The following SLC12A3 variants were observed in gnomAD, a reference collection of about 807,000 sequenced individuals.
SLC12A3 encodes the protein Na-Cl cotransporter.
SLC12A3 carries 104 observed loss-of-function variants against 121.0 expected under a neutral mutation model. The observed-to-expected ratio is 0.86, with a 90% CI of 0.73 to 1.01. The LOEUF is 1.01. Among genes scored for constraint, SLC12A3 ranks in the 50% least tolerant of loss-of-function variants. The pLI, the probability that SLC12A3 is intolerant of heterozygous loss-of-function variation, is 0.00. For missense variants in SLC12A3, 1,328 were observed against 1,356.3 expected (o/e 0.98, Z 0.33); for synonymous variants, 536 against 533.4 (o/e 1.00, Z -0.07).
At chr16:56,886,693 C>A (rs1224533085) in intron 16 of SLC12A3, among the ~76,000 whole-genome samples, 12 of 152,140 alleles carry the variant, frequency 7.9e-5, no homozygotes, top group African/African-American at 2.9e-4. Flanking sequence ...CAGGCACCCC[C>A]CATGGACCCC....
In SLC12A3 at chr16:56,865,304, C is replaced by G. The variant is rs1205171754; in HGVS notation, c.69C>G (p.Ser23Arg). The G allele has an allele frequency of 1.2e-6, 2 of 1,614,008 alleles. No individual in the cohort carries two copies. The highest frequency in any genetic ancestry group is 2.2e-5 in the South Asian group (2 of 91,088). Reference protein sequence around the residue: ...ATLCSGRFTISTLLSSDEPSP... With the variant: ...ATLCSGRFTIRTLLSSDEPSP... ...TGTGCAGCGGGCGCTTCACCATCAG[C>G]ACACTGCTGAGCAGTGATGAGCCCT... Residue 23 changes from serine (S) to arginine (R), a missense_variant, in exon 1 of 26, where the codon AGC becomes AGG. Ser to Arg is a moderately radical substitution (Grantham distance 110). Transcript: ENST00000563236.
chr16:56,867,326 A>C (rs1346480001), intron 2 of SLC12A3, 110 bp downstream of exon 2: 1 of 1,104,046 alleles, frequency 9.1e-7, no homozygotes, highest in Non-Finnish European at 1.3e-6. Context: ...CAGTTTCCCC[A>C]TCTGTACAAT....
intron 25 of SLC12A3, chr16:56,907,149 T>G (rs1319923684): frequency 6.0e-6 from 1 of 167,464 alleles, no homozygotes; most frequent in African/African-American, 2.4e-5. Context: ...AGGAGAGTGG[T>G]TCAGGCAATT....
At chr16:56,902,149 A>G in intron 23 of SLC12A3, 2 of 583,656 alleles carry the variant, frequency 3.4e-6, no homozygotes, top group Admixed American at 2.6e-5. Context: ...CGGGTGGGTC[A>G]CAGGTCAGTG....
intron 25 of SLC12A3, among the ~76,000 whole-genome samples, chr16:56,912,449 C>T (rs1292614400): frequency 1.3e-5 from 2 of 152,236 alleles, no homozygotes; most frequent in Non-Finnish European, 2.9e-5. Flanking sequence ...CCCAGGGCCT[C>T]CTGCACAGGG....
intron 8 of SLC12A3, among the ~76,000 whole-genome samples, chr16:56,875,034 C>A (rs1341044077): frequency 6.6e-6 from 1 of 152,202 alleles, no homozygotes; most frequent in African/African-American, 2.4e-5. Context: ...GGATTCCATG[C>A]AGTCTCATTA....
At position 56,870,960 on chromosome 16, in the gene SLC12A3, G is replaced by A. The variant is rs73557782; in HGVS notation, c.852+224G>A. On this transcript the variant is annotated intron_variant, in intron 6 of 25. Transcript: ENST00000563236. Reference sequence around the variant, plus strand: ...AGAGATTCTCCTGCCTCAGCCTCCCGAGTAGCTGGGATTACAGGCACCTGC... The same window carrying A: ...AGAGATTCTCCTGCCTCAGCCTCCCAAGTAGCTGGGATTACAGGCACCTGC... Among the ~76,000 whole-genome samples the A allele has an allele frequency of 0.037, 5,680 of 151,732 alleles. 137 individuals are homozygous for A. Among genetic ancestry groups the A allele is most frequent in the African/African-American group, 0.06 (2,486 of 41,348 alleles).
At chr16:56,873,374 CTTTTTTTTTTTTT>C (rs59478629) in intron 8 of SLC12A3, among the ~76,000 whole-genome samples, 2,554 of 75,542 alleles carry the variant, frequency 0.034, 74 homozygotes, top group East Asian at 0.1. Context: ...CTCTTTCTTT[CTTTTTTTTTTTTT>C]TTTTTTTTTT....
At chr16:56,877,800 T>C (rs983085192) in intron 8 of SLC12A3, among the ~76,000 whole-genome samples, 2 of 152,216 alleles carry the variant, frequency 1.3e-5, no homozygotes, top group Non-Finnish European at 2.9e-5. Context: ...TTGAATTTCT[T>C]CTCTCTGCCT....
At chr16:56,908,289 TATCACC>T (rs1454951920) in intron 25 of SLC12A3, among the ~76,000 whole-genome samples, 13 of 150,158 alleles carry the variant, frequency 8.7e-5, no homozygotes, top group African/African-American at 3.2e-4. Flanking sequence ...GCCTCCTGAA[TATCACC>T]ACCTCGCCCG....
At position 56,887,075 on chromosome 16, in the gene SLC12A3, C is replaced by T. The variant is rs147984554; in HGVS notation, c.2160C>T (p.Gly720=). ...TCATTGCCGAGGACCTCCGCAGAGG[C>T]GTCCAGATCCTCATGCAGGTGCCAT... The part of the protein sequence containing the change: ...SDVIAEDLRR[G]VQILMQAAGL... Residue 720 remains glycine, a synonymous_variant, in exon 17 of 26, where the codon GGC becomes GGT. Coordinates refer to ENST00000563236, the MANE Select transcript of SLC12A3 (RefSeq NM_001126108.2). The T allele has an allele frequency of 1.9e-4, 313 of 1,613,870 alleles. No homozygotes were observed. The highest frequency in any genetic ancestry group is 2.5e-4 in the Non-Finnish European group (293 of 1,180,026).
At chr16:56,876,104 T>C (rs1482484159) in intron 8 of SLC12A3, among the ~76,000 whole-genome samples, 2 of 151,986 alleles carry the variant, frequency 1.3e-5, no homozygotes, top group Non-Finnish European at 2.9e-5. Context: ...CTTCCTAATT[T>C]CTGGTGGCTG....
chr16:56,893,118 C>T (rs2055413173), intron 21 of SLC12A3, 64 bp downstream of exon 21: 10 of 1,311,574 alleles, frequency 7.6e-6, no homozygotes, highest in Non-Finnish European at 1.1e-5. Flanking sequence ...GGTCTTCCTT[C>T]CTTCTCCTTC....
chr16:56,878,618 C>T (rs556787975), intron 9 of SLC12A3, among the ~76,000 whole-genome samples: 2 of 152,268 alleles, frequency 1.3e-5, no homozygotes, highest in East Asian at 3.9e-4. Flanking sequence ...CAGGGTCACA[C>T]AGCCACTGAA....
chr16:56,869,820 G>A lies in SLC12A3; in HGVS notation c.597G>A (p.Lys199=). The change falls in exon 4 of 26, where the codon AAG becomes AAA. Residue 199 remains lysine, a synonymous_variant. Coordinates refer to ENST00000563236, the MANE Select transcript of SLC12A3 (RefSeq NM_001126108.2). ...ISAISTNGKV[K]SGGTYFLISR... is the part of the protein sequence containing the mutation. The stretch of plus-strand genomic sequence containing the variant: ...CCATCTCCACCAATGGCAAGGTCAA[G>A]TCAGGTGGGCCATCCCCCTTTCCAC... 6.2e-7 allele frequency: 1 copy of A among 1,613,842 alleles called. No homozygotes were observed. Among genetic ancestry groups the A allele is most frequent in the Non-Finnish European group, 8.5e-7 (1 of 1,179,772 alleles).
intron 3 of SLC12A3, among the ~76,000 whole-genome samples, chr16:56,868,742 C>G (rs1964419740): frequency 6.6e-6 from 1 of 152,158 alleles, no homozygotes; most frequent in Admixed American, 6.5e-5. Flanking sequence ...GAGGCCGAGG[C>G]AGGTGGATCA....
Position 56,915,459 on chromosome 16 carries a change from C to T in SLC12A3, c.*2054C>T, listed in dbSNP as rs1189769611. On this transcript the variant is annotated 3_prime_UTR_variant, in exon 26 of 26. Transcript: ENST00000563236. Reference sequence around the variant, plus strand: ...CTCTGAAGCCCCACTGTCTGACCGCCTCAGGGCTTGCTACGAGGGACTGGG... The same window carrying T: ...CTCTGAAGCCCCACTGTCTGACCGCTTCAGGGCTTGCTACGAGGGACTGGG... 6.6e-6 allele frequency: 1 copy of T among 152,278 alleles called. No homozygotes were observed. Among genetic ancestry groups the T allele is most frequent in the Non-Finnish European group, 1.5e-5 (1 of 68,066 alleles). The allele number at this position is 152,278 out of a possible 1,614,324, so 9.4% of individuals were successfully genotyped here. A position where few individuals can be genotyped will look rare whatever the true frequency, so the allele number is the denominator to read the frequency against.
chr16:56,878,064 C>CTCCCTCCTTCAGGACCCTGCTATAGCCA lies in SLC12A3; in HGVS notation c.1096-8_1115dup. 8.4e-7 allele frequency: 1 copy of CTCCCTCCTTCAGGACCCTGCTATAGCCA among 1,197,558 alleles called. No individual in the cohort carries two copies. Among genetic ancestry groups the CTCCCTCCTTCAGGACCCTGCTATAGCCA allele is most frequent in the South Asian group, 1.2e-5 (1 of 82,664 alleles). 74.2% of individuals were successfully genotyped at this position (1,197,558 alleles called of 1,614,324 possible). On this transcript the variant is annotated splice_polypyrimidine_tract_variant and intron_variant, in intron 8 of 25. Transcript: ENST00000563236. The stretch of plus-strand genomic sequence containing the variant: ...CCTCCCTCCCTCCCTCCCTCTCTCC[C>CTCCCTCCTTCAGGACCCTGCTATAGCCA]TCCCTCCTTCAGGACCCTGCTATAG...
Position 56,894,643 on chromosome 16 carries a change from G to C in SLC12A3, c.2633+1G>C. 1.2e-6 allele frequency: 2 copies of C among 1,611,906 alleles called. No individual in the cohort carries two copies. The highest frequency in any genetic ancestry group is 8.5e-7 in the Non-Finnish European group (1 of 1,178,098). On this transcript the variant is annotated splice_donor_variant, in intron 22 of 25. Coordinates refer to ENST00000563236, the MANE Select transcript of SLC12A3 (RefSeq NM_001126108.2). LOFTEE classifies it high-confidence loss of function. ...ACAGGATGGACCAGGAGAGAAAGGC[G>C]TAAGTGTGGAGGGCTGGCCTGGGGG...
Sources: gnomAD v4.1 joint callset for allele counts (sites outside exome capture counted in the v4.1 genomes callset) on GRCh38, gnomAD v4.1.1 for gene constraint, MANE v1.5 for transcripts, NCBI Gene and HGNC (gene_info 2026-07-23, HGNC 2026-07-21) for gene names.